SRBD1: variants seen among roughly 807,000 people sequenced by gnomAD.
SRBD1 encodes S1 RNA-binding domain-containing protein 1.
A neutral mutation model predicts 115.3 loss-of-function variants in SRBD1; 88 were observed. The observed-to-expected ratio is 0.76, with a 90% CI of 0.64 to 0.91. The LOEUF (loss-of-function observed/expected upper bound fraction) is 0.91. SRBD1 is among the 40% of genes least tolerant of loss of function. The probability of loss-of-function intolerance (pLI) is 0.00; values close to 1 mark genes in which losing one functional copy is unlikely to be tolerated. For synonymous variants in SRBD1, 509 were observed against 407.7 expected (o/e 1.25, Z -2.99); for missense variants, 1,385 against 1,177.4 (o/e 1.18, Z -2.58).
chr2:45,547,665 A>C, intron 12 of SRBD1, 53 bp from the exon 13 acceptor site: 1 of 1,462,380 alleles, frequency 6.8e-7, no homozygotes, highest in African/African-American at 1.4e-5. Context: ...AAAGTGAAAC[A>C]CATGAATGAT....
At chr2:45,582,697 T>G (rs1369563183) in intron 5 of SRBD1, among the ~76,000 whole-genome samples, 1 of 152,228 alleles carries the variant, frequency 6.6e-6, no homozygotes, top group East Asian at 1.9e-4. Context: ...TGTGTCCTTT[T>G]GACATGTATC....
At chr2:45,412,774 G>T (rs1423348435) in intron 19 of SRBD1, among the ~76,000 whole-genome samples, 1 of 152,072 alleles carries the variant, frequency 6.6e-6, no homozygotes, top group African/African-American at 2.4e-5. Context: ...TTTCAAAAGG[G>T]TTTTATCTTT....
intron 14 of SRBD1, among the ~76,000 whole-genome samples, chr2:45,491,917 G>A (rs983874923): frequency 2.0e-5 from 3 of 152,084 alleles, no homozygotes; most frequent in African/African-American, 7.2e-5. Context: ...CGCCTCCCAG[G>A]TTCAAGAGAT....
chr2:45,599,954 C>G, intron 3 of SRBD1, 119 bp from the exon 4 acceptor site: 2 of 1,197,944 alleles, frequency 1.7e-6, no homozygotes, highest in Non-Finnish European at 2.3e-6. Context: ...GGAAGAATCT[C>G]AAGTAAATTA....
Position 45,606,507 on chromosome 2 carries a change from T to G in SRBD1, c.1-1066A>C, listed in dbSNP as rs560473117. On this transcript the variant is annotated intron_variant, in intron 1 of 20. Coordinates refer to ENST00000263736, the MANE Select transcript of SRBD1 (RefSeq NM_018079.5). ...TAAAGTAGAGGTCTCTCTACAAAGT[T>G]GGCAATGAAATAAATGATGCTGATT... Among the ~76,000 whole-genome samples, 4 of 152,302 alleles carry G rather than the reference T, an allele frequency of 2.6e-5. No individual in the cohort carries two copies. In the South Asian group the frequency reaches 8.3e-4, roughly 32 times the overall value.
At chr2:45,452,889 T>A (rs540272281) in intron 16 of SRBD1, among the ~76,000 whole-genome samples, 11 of 152,112 alleles carry the variant, frequency 7.2e-5, no homozygotes, top group African/African-American at 2.6e-4. Context: ...ATAAACTGTA[T>A]ACTAGGTTTT....
At chr2:45,569,798 A>G (rs1360549559) in intron 9 of SRBD1, among the ~76,000 whole-genome samples, 1 of 152,202 alleles carries the variant, frequency 6.6e-6, no homozygotes, top group Non-Finnish European at 1.5e-5. Flanking sequence ...CAAATATAAC[A>G]TACAAAGGAA....
chr2:45,478,133 C>T (rs2103823099), intron 15 of SRBD1, among the ~76,000 whole-genome samples: 1 of 152,242 alleles, frequency 6.6e-6, no homozygotes, highest in East Asian at 1.9e-4. Flanking sequence ...ATATGAACTG[C>T]TTCCATTTTC....
chr2:45,574,257 C>A (rs1408935104), intron 8 of SRBD1, among the ~76,000 whole-genome samples: 3 of 152,200 alleles, frequency 2.0e-5, no homozygotes, highest in South Asian at 2.1e-4. Context: ...AAACGAGATA[C>A]TATAAAATAA....
At chr2:45,580,885 A>G (rs1045833090) in intron 6 of SRBD1, among the ~76,000 whole-genome samples, 4 of 150,296 alleles carry the variant, frequency 2.7e-5, no homozygotes, top group East Asian at 3.9e-4. Context: ...GGGTTTCACC[A>G]TCTTGGCCAG....
intron 17 of SRBD1, among the ~76,000 whole-genome samples, chr2:45,419,323 A>G (rs1024974355): frequency 1.3e-5 from 2 of 152,206 alleles, no homozygotes; most frequent in Non-Finnish European, 2.9e-5. Flanking sequence ...AGATTATATA[A>G]CATGCGATTA....
rs1043828817 is a variant in SRBD1 at position 45,389,086 on chromosome 2, C to A, written c.*224G>T. The A allele has an allele frequency of 9.5e-6, 5 of 524,008 alleles. No individual in the cohort carries two copies. Among genetic ancestry groups the A allele is most frequent in the African/African-American group, 5.7e-5 (3 of 52,534 alleles). The allele number at this position is 524,008 out of a possible 1,614,324, so 32.5% of individuals were successfully genotyped here. A position where few individuals can be genotyped will look rare whatever the true frequency, so the allele number is the denominator to read the frequency against. ...TCAGAAAACTATTACTACATAAAGC[C>A]ATATAAGAATGTGTATTAGTTGTTT... On this transcript the variant is annotated 3_prime_UTR_variant, in exon 21 of 21. Transcript: ENST00000263736.
chr2:45,514,355 A>G (rs1012940522), intron 14 of SRBD1, among the ~76,000 whole-genome samples: 22 of 152,294 alleles, frequency 1.4e-4, no homozygotes, highest in Admixed American at 4.6e-4. Flanking sequence ...AACATCCAGG[A>G]TAACCACCAG....
chr2:45,471,525 A>G (rs1285685540), intron 16 of SRBD1, among the ~76,000 whole-genome samples: 2 of 152,172 alleles, frequency 1.3e-5, no homozygotes, highest in Non-Finnish European at 2.9e-5. Flanking sequence ...TTGTCTTAGA[A>G]CTAGCTAAAG....
intron 14 of SRBD1, among the ~76,000 whole-genome samples, chr2:45,509,598 A>AAAACAC (rs1348194414): frequency 6.4e-5 from 8 of 125,442 alleles, no homozygotes; most frequent in African/African-American, 2.1e-4. Flanking sequence ...TCCGTCTCAA[A>AAAACAC]ACACACACAC....
intron 6 of SRBD1, among the ~76,000 whole-genome samples, 179 bp downstream of exon 6, chr2:45,581,514 G>T (rs899600197): frequency 3.3e-5 from 5 of 150,384 alleles, no homozygotes; most frequent in African/African-American, 1.3e-4. Context: ...AAACCCAAGT[G>T]CCTAGCACAA....
At chr2:45,393,574 G>A (rs1667065341) in intron 19 of SRBD1, among the ~76,000 whole-genome samples, 1 of 152,160 alleles carries the variant, frequency 6.6e-6, no homozygotes, top group Non-Finnish European at 1.5e-5. Flanking sequence ...TAGAGACGGG[G>A]TTTCACTGTG....
intron 14 of SRBD1, among the ~76,000 whole-genome samples, chr2:45,491,666 G>A (rs1299010546): frequency 6.6e-6 from 1 of 152,020 alleles, no homozygotes; most frequent in East Asian, 1.9e-4. Context: ...GATAATTTAA[G>A]ATATTTTATT....
chr2:45,451,135 T>A (rs1302175884), intron 16 of SRBD1, among the ~76,000 whole-genome samples: 1 of 152,074 alleles, frequency 6.6e-6, no homozygotes, highest in African/African-American at 2.4e-5. Context: ...AATGACAGAA[T>A]TATTGGCAAA....
Sources: allele counts gnomAD v4.1 joint callset (sites outside exome capture counted in the v4.1 genomes callset), GRCh38; gene constraint gnomAD v4.1.1; transcripts MANE v1.5; gene names NCBI Gene and HGNC (gene_info 2026-07-23, HGNC 2026-07-21).